The following AKT3 variants were observed in gnomAD, a reference collection of about 807,000 sequenced individuals.
The protein encoded by AKT3 is AKT serine/threonine kinase 3.
In AKT3, 15 loss-of-function variants were observed where a neutral mutation model predicts 65.3. The observed-to-expected ratio is 0.23, with a 90% confidence interval of 0.15 to 0.35. The LOEUF (loss-of-function observed/expected upper bound fraction) is 0.35, where lower values mean the gene tolerates loss of function less well. Ranked by LOEUF, AKT3 falls within the 10% of genes least tolerant of loss-of-function variation. The pLI is 1.00. For synonymous variants in AKT3, 206 were observed against 183.8 expected, an observed-to-expected ratio of 1.12 and a Z score of -0.98; for missense variants, 243 against 576.5, an observed-to-expected ratio of 0.42 and a Z score of 5.92.
At chr1:243,826,131 C>CAA (rs1694151889) in intron 2 of AKT3, among the ~76,000 whole-genome samples, 1 of 148,254 alleles carries the variant, frequency 6.7e-6, no homozygotes, top group Admixed American at 6.7e-5. Flanking sequence ...GACTTCATCT[C>CAA]AAAAAAGAAA....
intron 3 of AKT3, among the ~76,000 whole-genome samples, chr1:243,684,258 T>C (rs1046324222): frequency 2.0e-5 from 3 of 152,126 alleles, no homozygotes; most frequent in Non-Finnish European, 2.9e-5. Context: ...GCTGCACCCA[T>C]CAACCTGTCA....
chr1:243,828,208 G>C (rs1291053408), intron 2 of AKT3, among the ~76,000 whole-genome samples: 2 of 152,192 alleles, frequency 1.3e-5, no homozygotes, highest in Non-Finnish European at 2.9e-5. Context: ...TTATTAAATA[G>C]TTATTTACTA....
intron 8 of AKT3, among the ~76,000 whole-genome samples, chr1:243,585,271 G>A (rs906186341): frequency 2.6e-5 from 4 of 151,954 alleles, no homozygotes; most frequent in African/African-American, 9.7e-5. Flanking sequence ...CATGCTCAGG[G>A]ACTGGAAGAA....
intron 2 of AKT3, among the ~76,000 whole-genome samples, chr1:243,831,389 T>C (rs1473046136): frequency 6.6e-6 from 1 of 152,186 alleles, no homozygotes; most frequent in Non-Finnish European, 1.5e-5. Flanking sequence ...CATTCTAATT[T>C]TGTAAGACCA....
At chr1:243,610,789 G>A (rs1289678014) in intron 8 of AKT3, among the ~76,000 whole-genome samples, 1 of 152,156 alleles carries the variant, frequency 6.6e-6, no homozygotes, top group Non-Finnish European at 1.5e-5. Flanking sequence ...CATGTTTACG[G>A]TCTAATTTTA....
chr1:243,589,254 C>T (rs1279090978), intron 8 of AKT3, among the ~76,000 whole-genome samples: 1 of 132,466 alleles, frequency 7.5e-6, no homozygotes, highest in Non-Finnish European at 1.5e-5. Context: ...TGCAGTGAGC[C>T]GAGATTGTGC....
At chr1:243,494,788 A>G (rs1667395086), downstream of AKT3, among the ~76,000 whole-genome samples, 1 of 152,216 alleles carries the variant, frequency 6.6e-6, no homozygotes, top group African/African-American at 2.4e-5. Context: ...CACAATCAAG[A>G]TTTTAAAGGG....
intron 4 of AKT3, among the ~76,000 whole-genome samples, chr1:243,649,047 C>T (rs1681063763): frequency 6.6e-6 from 1 of 151,972 alleles, no homozygotes; most frequent in Non-Finnish European, 1.5e-5. Flanking sequence ...AAATTTCCTT[C>T]TAAGCATTCA....
At chr1:243,738,696 A>T (rs1347040793) in intron 2 of AKT3, among the ~76,000 whole-genome samples, 1 of 152,212 alleles carries the variant, frequency 6.6e-6, no homozygotes, top group Non-Finnish European at 1.5e-5. Context: ...TAAAGATGGT[A>T]AACCATTACA....
At chr1:243,681,772 T>G (rs1344528012) in intron 3 of AKT3, among the ~76,000 whole-genome samples, 2 of 152,164 alleles carry the variant, frequency 1.3e-5, no homozygotes, top group African/African-American at 4.8e-5. Flanking sequence ...GCTTTGAGGT[T>G]CTGGGCAAGT....
At position 243,503,880 on chromosome 1, in the gene AKT3, T is replaced by G. The variant is rs1363980435; in HGVS notation, c.*1369A>C. ...TCTTATCTTCACTCAGGTCTCAATTTTCTTCATTACTTTTTGTTGCCAGGT... is the reference window on the plus strand; with the variant it reads ...TCTTATCTTCACTCAGGTCTCAATTGTCTTCATTACTTTTTGTTGCCAGGT... On this transcript the variant is annotated 3_prime_UTR_variant, in exon 14 of 14. Transcript: ENST00000673466. The G allele has an allele frequency of 4.4e-6, 1 of 228,180 alleles. No individual in the cohort carries two copies. The highest frequency in any genetic ancestry group is 8.7e-6 in the Non-Finnish European group (1 of 114,774). 14.1% of individuals were successfully genotyped at this position (228,180 alleles called of 1,614,324 possible).
chr1:243,798,949 T>G (rs1197025564), intron 2 of AKT3, among the ~76,000 whole-genome samples: 1 of 152,224 alleles, frequency 6.6e-6, no homozygotes, highest in Non-Finnish European at 1.5e-5. Flanking sequence ...TGTTCATCGC[T>G]AAAGTATGAG....
chr1:243,765,411 C>T (rs1023622303), intron 2 of AKT3, among the ~76,000 whole-genome samples: 1 of 152,058 alleles, frequency 6.6e-6, no homozygotes, highest in Non-Finnish European at 1.5e-5. Context: ...CCATGTAAAC[C>T]AGCTTCCATC....
chr1:243,784,306 G>C (rs1442094283), intron 2 of AKT3, among the ~76,000 whole-genome samples: 1 of 151,928 alleles, frequency 6.6e-6, no homozygotes. Flanking sequence ...AAAGTGCCTA[G>C]ACTGCAGGGA....
chr1:243,801,981 C>T (rs1020174046), intron 2 of AKT3, among the ~76,000 whole-genome samples: 17 of 152,054 alleles, frequency 1.1e-4, no homozygotes, highest in Non-Finnish European at 1.5e-5. Context: ...AAAAATATTC[C>T]TATAGGATAA....
At chr1:243,519,975 C>A (rs1670609533) in intron 12 of AKT3, among the ~76,000 whole-genome samples, 1 of 152,084 alleles carries the variant, frequency 6.6e-6, no homozygotes, top group South Asian at 2.1e-4. Context: ...CTGTTTTTAT[C>A]TTTTAATACC....
At chr1:243,736,222 G>C (rs1372068105) in intron 2 of AKT3, among the ~76,000 whole-genome samples, 1 of 152,096 alleles carries the variant, frequency 6.6e-6, no homozygotes, top group African/African-American at 2.4e-5. Flanking sequence ...TAATAATTTG[G>C]TAACACCTAC....
At chr1:243,559,137 C>T (rs556542419) in intron 10 of AKT3, among the ~76,000 whole-genome samples, 1 of 152,148 alleles carries the variant, frequency 6.6e-6, no homozygotes, top group East Asian at 1.9e-4. Context: ...ATTATAAAAA[C>T]AAAATCCCCT....
chr1:243,605,812 G>A (rs1006129949), intron 8 of AKT3, among the ~76,000 whole-genome samples: 19 of 152,284 alleles, frequency 1.2e-4, no homozygotes, highest in African/African-American at 4.6e-4. Flanking sequence ...GTTTGGCTGT[G>A]TTCCCACCCA....
Sources: gnomAD v4.1 joint callset for allele counts (sites outside exome capture counted in the v4.1 genomes callset) on GRCh38, gnomAD v4.1.1 for gene constraint, MANE v1.5 for transcripts, NCBI Gene and HGNC (gene_info 2026-07-23, HGNC 2026-07-21) for gene names.